Variants in NSFL1C observed in about 807,000 individuals in gnomAD.
NSFL1C encodes NSFL1 cofactor.
Under a neutral mutation model 43.1 loss-of-function variants are expected in NSFL1C, and 14 were observed. The observed-to-expected ratio is 0.32, with a 90% CI of 0.21 to 0.51. The LOEUF (loss-of-function observed/expected upper bound fraction) is 0.51, where lower values mean the gene tolerates loss of function less well. NSFL1C is among the 20% of genes least tolerant of loss of function. The probability of loss-of-function intolerance (pLI) is 0.98; values close to 1 mark genes in which losing one functional copy is unlikely to be tolerated. For missense variants in NSFL1C, 406 were observed against 472.5 expected (o/e 0.86, Z 1.30); for synonymous variants, 171 against 183.5 (o/e 0.93, Z 0.55).
chr20:1,452,699 A>G, intron 6 of NSFL1C, 69 bp from the exon 7 acceptor site: 1 of 1,586,288 alleles, frequency 6.3e-7, no homozygotes, highest in Non-Finnish European at 8.6e-7. Flanking sequence ...GGAAAAGGGG[A>G]GAAGAAACCT....
Position 1,443,482 on chromosome 20 carries a change from C to T in NSFL1C, c.*267G>A, listed in dbSNP as rs965198338. On this transcript the variant is annotated 3_prime_UTR_variant, in exon 9 of 9. Transcript: ENST00000216879. ...AAGCCTGCTTCAGTGGGAGAGTTTCCGTACAACATGCTGGTGATATTCCTT... is the reference window on the plus strand; with the variant it reads ...AAGCCTGCTTCAGTGGGAGAGTTTCTGTACAACATGCTGGTGATATTCCTT... 8.8e-5 allele frequency: 29 copies of T among 329,226 alleles called. No homozygotes were observed. Among genetic ancestry groups the T allele is most frequent in the Non-Finnish European group, 1.3e-4 (24 of 178,382 alleles). The allele number at this position is 329,226 out of a possible 1,614,324, so 20.4% of individuals were successfully genotyped here.
intron 7 of NSFL1C, among the ~76,000 whole-genome samples, chr20:1,451,608 A>G (rs898182920): frequency 6.6e-6 from 1 of 152,210 alleles, no homozygotes; most frequent in Admixed American, 6.5e-5. Flanking sequence ...ACTATGCTCT[A>G]AATGCCTATC....
chr20:1,456,766 T>C (rs1305546660), intron 3 of NSFL1C: 1 of 152,114 alleles, frequency 6.6e-6, no homozygotes, highest in African/African-American at 2.4e-5. Context: ...TTAAAAACTA[T>C]CCTAAAAAAA....
At position 1,443,766 on chromosome 20, in the gene NSFL1C, C is replaced by G. The variant is rs1213865674; in HGVS notation, c.1096G>C (p.Val366Leu). ...KEANLLNAVI[V>L]QRLT ...CTGGGCGGTTATGTTAACCGCTGCA[C>G]GATGACAGCATTGAGCAGGTTGGCT... The change falls in exon 9 of 9, where the codon GTG becomes CTG. Residue 366 changes from valine to leucine, a missense_variant. Val to Leu is a conservative substitution (Grantham distance 32). Around this residue, in one of 3 missense-constraint regions of NSFL1C, gnomAD observed 196 missense variants for 228.0 expected, o/e 0.86. Transcript: ENST00000216879. 1 of 1,613,962 alleles carries G rather than the reference C, an allele frequency of 6.2e-7. No homozygotes were observed. The highest frequency in any genetic ancestry group is 8.5e-7 in the Non-Finnish European group (1 of 1,180,010).
chr20:1,466,684 C>CCGGCCCACCCGACA, intron 1 of NSFL1C, 36 bp downstream of exon 1: 1 of 1,523,552 alleles, frequency 6.6e-7, no homozygotes, highest in South Asian at 1.2e-5. Context: ...CCAGCAGTCC[C>CCGGCCCACCCGACA]CGGCCCACCC....
In NSFL1C at chr20:1,458,240, G is replaced by A. The variant is rs760430987; in HGVS notation, c.238C>T (p.His80Tyr). 2 of 1,613,784 alleles carry A rather than the reference G, an allele frequency of 1.2e-6. No homozygotes were observed. The highest frequency in any genetic ancestry group is 2.2e-5 in the South Asian group (2 of 91,070). ...NRVTSFRDLI[H>Y]DQDEDEEEEE... ...TCCTCCTCATCTTCATCTTGGTCAT[G>A]AATGAGGTCTCTGAAGGATGTCACT... The change falls in exon 3 of 9, where the codon CAT becomes TAT. Residue 80 changes from histidine (H) to tyrosine (Y), a missense_variant. Physicochemically the swap from His to Tyr is moderately conservative, Grantham distance 83. This residue lies in a region of NSFL1C where 203 missense variants were observed against 216.3 expected (regional missense o/e 0.94). Transcript: ENST00000216879.
At chr20:1,463,228 A>G (rs1003789930) in intron 2 of NSFL1C, 1 of 152,220 alleles carries the variant, frequency 6.6e-6, no homozygotes, top group African/African-American at 2.4e-5. Context: ...CTCCCCCTCT[A>G]TAATTCTGAC....
At chr20:1,456,974 T>C (rs1369220365) in intron 3 of NSFL1C, 2 of 152,224 alleles carry the variant, frequency 1.3e-5, no homozygotes, top group Non-Finnish European at 2.9e-5. Flanking sequence ...ACCATATTTA[T>C]ATACAGAACA....
intron 1 of NSFL1C, among the ~76,000 whole-genome samples, chr20:1,465,913 A>C (rs1199322639): frequency 6.6e-6 from 1 of 152,242 alleles, no homozygotes; most frequent in Non-Finnish European, 1.5e-5. Context: ...AAATGACAAA[A>C]GACATGTAAA....
At chr20:1,461,031 T>G (rs919826590) in intron 2 of NSFL1C, among the ~76,000 whole-genome samples, 119 of 152,290 alleles carry the variant, frequency 7.8e-4, no homozygotes, top group African/African-American at 2.7e-3. Context: ...GTAAGTTACT[T>G]GACCTTTCTA....
At chr20:1,464,928 C>T (rs1192502342) in intron 1 of NSFL1C, among the ~76,000 whole-genome samples, 5 of 152,188 alleles carry the variant, frequency 3.3e-5, no homozygotes, top group Non-Finnish European at 7.3e-5. Context: ...GGCCCTCACT[C>T]TTAAGCGCTT....
Position 1,454,958 on chromosome 20 carries a change from T to C in NSFL1C, c.444+9A>G, listed in dbSNP as rs538695387. The C allele has an allele frequency of 2.5e-6, 4 of 1,612,526 alleles. No homozygotes were observed. The highest frequency in any genetic ancestry group is 3.3e-5 in the Admixed American group (2 of 60,002). ...TCCTGTGGGCACAGACAATGACCCT[T>C]ATACTCACTCTCGGTTTACTGGTCT... On this transcript the variant is annotated intron_variant, in intron 4 of 8. Coordinates refer to ENST00000216879, the MANE Select transcript of NSFL1C (RefSeq NM_016143.5).
At chr20:1,459,009 T>C (rs1302585852) in intron 2 of NSFL1C, among the ~76,000 whole-genome samples, 1 of 152,232 alleles carries the variant, frequency 6.6e-6, no homozygotes, top group Non-Finnish European at 1.5e-5. Flanking sequence ...CCACTGCCAC[T>C]TTCCACCTAG....
Position 1,452,519 on chromosome 20 carries a change from G to A in NSFL1C, c.759C>T (p.Phe253=), listed in dbSNP as rs139004377. The A allele has an allele frequency of 5.6e-6, 9 of 1,614,078 alleles. No homozygotes were observed. In the African/African-American group the frequency reaches 1.2e-4, roughly 22 times the overall value. ...FVKPKGAFKA[F]TGEGQKLGST... is the part of the protein sequence containing the mutation. Reference sequence around the variant, plus strand: ...TGCCCAGTTTCTGACCCTCGCCAGTGAAGGCTTTGAAGGCTCCTTTGGGCT... The same window carrying A: ...TGCCCAGTTTCTGACCCTCGCCAGTAAAGGCTTTGAAGGCTCCTTTGGGCT... The change falls in exon 7 of 9, where the codon TTC becomes TTT. Residue 253 remains phenylalanine, a synonymous_variant. Coordinates refer to ENST00000216879, the MANE Select transcript of NSFL1C (RefSeq NM_016143.5).
At position 1,454,210 on chromosome 20, in the gene NSFL1C, C is replaced by T. The variant is rs1436833904; in HGVS notation, c.537+3G>A. 1 of 1,612,040 alleles carries T rather than the reference C, an allele frequency of 6.2e-7. No homozygotes were observed. The highest frequency in any genetic ancestry group is 1.1e-5 in the South Asian group (1 of 91,012). ...TCCCTCATGGGAAGGTGGATGCACT[C>T]ACATCTTGGCTGGAATGCTGCCTCT... On this transcript the variant is annotated splice_donor_region_variant and intron_variant, in intron 5 of 8. Coordinates refer to ENST00000216879, the MANE Select transcript of NSFL1C (RefSeq NM_016143.5).
chr20:1,455,177 A>G, intron 3 of NSFL1C, 45 bp from the exon 4 acceptor site: 1 of 1,608,510 alleles, frequency 6.2e-7, no homozygotes, highest in Non-Finnish European at 8.5e-7. Context: ...CATGGAAAAC[A>G]TGAATAGAGC....
Position 1,455,108 on chromosome 20 carries a change from T to G in NSFL1C, c.303A>C (p.Arg101Ser). 1 of 1,614,066 alleles carries G rather than the reference T, an allele frequency of 6.2e-7. No homozygotes were observed. The highest frequency in any genetic ancestry group is 8.5e-7 in the Non-Finnish European group (1 of 1,179,998). ...GAGGGCCAACAATCTGCTGTCCACT[T>G]CTCTCTGAGCCCCCAGCATAAAACC... ...GQRFYAGGSE[R>S]SGQQIVGPPR... The change falls in exon 4 of 9, where the codon AGA becomes AGC. Residue 101 changes from arginine to serine, a missense_variant. Transcript: ENST00000216879.
At chr20:1,457,786 A>C (rs2090332083) in intron 3 of NSFL1C, among the ~76,000 whole-genome samples, 2 of 152,304 alleles carry the variant, frequency 1.3e-5, no homozygotes, top group African/African-American at 4.8e-5. Context: ...TAGTATTCCT[A>C]CTGTGTATAT....
intron 7 of NSFL1C, chr20:1,446,090 CT>C (rs1413183114): frequency 4.3e-5 from 23 of 540,224 alleles, no homozygotes; most frequent in Non-Finnish European, 5.1e-5. Flanking sequence ...GTTACTCGGC[CT>C]TTTTCCTCCT....
Sources: gnomAD v4.1 joint callset for allele counts (sites outside exome capture counted in the v4.1 genomes callset) on GRCh38, gnomAD v4.1.1 for gene constraint, gnomAD v4.1.1 regional missense constraint, MANE v1.5 for transcripts, NCBI Gene and HGNC (gene_info 2026-07-23, HGNC 2026-07-21) for gene names.